The following UMPS variants were observed in gnomAD, a reference collection of about 807,000 sequenced individuals.
UMPS encodes the protein uridine monophosphate synthetase.
Under a neutral mutation model 38.9 loss-of-function variants are expected in UMPS, and 21 were observed. The observed-to-expected ratio is 0.54, with a 90% CI of 0.38 to 0.78. UMPS has a LOEUF of 0.78. Among genes scored for constraint, UMPS ranks in the 30% least tolerant of loss-of-function variants. The probability of loss-of-function intolerance (pLI) is 0.00; values close to 1 mark genes in which losing one functional copy is unlikely to be tolerated. For synonymous variants in UMPS, 208 were observed against 219.3 expected, an observed-to-expected ratio of 0.95 and a Z score of 0.45; for missense variants, 533 against 591.6, an observed-to-expected ratio of 0.90 and a Z score of 1.03.
rs1559910212 is a variant in UMPS at position 124,747,224 on chromosome 3, G to A, written c.*3140G>A. 1 of 452,858 alleles carries A rather than the reference G, an allele frequency of 2.2e-6. No homozygotes were observed. Among genetic ancestry groups the A allele is most frequent in the East Asian group, 7.0e-5 (1 of 14,330 alleles). 28.1% of individuals were successfully genotyped at this position (452,858 alleles called of 1,614,324 possible). On this transcript the variant is annotated 3_prime_UTR_variant, in exon 6 of 6. Coordinates refer to ENST00000232607, the MANE Select transcript of UMPS (RefSeq NM_000373.4). ...AATTTTTTGTAGAGACGGTGGAGGA[G>A]GTTCTCACTGTGACTCAGTGTGTGC...
In UMPS at chr3:124,745,929, C is replaced by G; in HGVS notation, c.*1845C>G. 2.2e-6 allele frequency: 1 copy of G among 454,070 alleles called. No individual in the cohort carries two copies. Among genetic ancestry groups the G allele is most frequent in the Non-Finnish European group, 4.4e-6 (1 of 226,772 alleles). The allele number at this position is 454,070 out of a possible 1,614,324, so 28.1% of individuals were successfully genotyped here. A position where few individuals can be genotyped will look rare whatever the true frequency, so the allele number is the denominator to read the frequency against. On this transcript the variant is annotated 3_prime_UTR_variant, in exon 6 of 6. Coordinates refer to ENST00000232607, the MANE Select transcript of UMPS (RefSeq NM_000373.4). Reference sequence around the variant, plus strand: ...GGAGTCTTGTCAAAACAGGTACCAGCCCCACCCGCAGCGTTTCTGACTCTG... The same window carrying G: ...GGAGTCTTGTCAAAACAGGTACCAGGCCCACCCGCAGCGTTTCTGACTCTG...
At chr3:124,735,366 T>C in intron 2 of UMPS, 120 bp downstream of exon 2, 11 of 925,596 alleles carry the variant, frequency 1.2e-5, no homozygotes, top group Non-Finnish European at 1.8e-5. Context: ...AAGTTGTTAC[T>C]GCTTGTAGAA....
Position 124,746,981 on chromosome 3 carries a change from A to G in UMPS, c.*2897A>G, listed in dbSNP as rs1321746141. The G allele has an allele frequency of 2.2e-6, 1 of 453,736 alleles. No individual in the cohort carries two copies. Among genetic ancestry groups the G allele is most frequent in the Non-Finnish European group, 4.4e-6 (1 of 226,756 alleles). 28.1% of individuals were successfully genotyped at this position (453,736 alleles called of 1,614,324 possible). On this transcript the variant is annotated 3_prime_UTR_variant, in exon 6 of 6. Coordinates refer to ENST00000232607, the MANE Select transcript of UMPS (RefSeq NM_000373.4). The stretch of plus-strand genomic sequence containing the variant: ...TGAGTCAGCTCTAAGAAAATCTGCC[A>G]AAAGTAGGCCGAGGGCTGGTTTTTT...
intron 1 of UMPS, among the ~76,000 whole-genome samples, chr3:124,732,860 T>TA (rs1203366672): frequency 1.3e-5 from 2 of 152,214 alleles, no homozygotes; most frequent in Non-Finnish European, 2.9e-5. Context: ...TGCTATGGTG[T>TA]ATCTTAGCAA....
chr3:124,740,226 G>C lies in UMPS; in HGVS notation c.1158+27G>C, dbSNP rs201505388. On this transcript the variant is annotated intron_variant, in intron 4 of 5. Coordinates refer to ENST00000232607, the MANE Select transcript of UMPS (RefSeq NM_000373.4). ...TAAGTGGTGGGGGGACTGGGTGAGA[G>C]GGGGCAGGGGCTGCTATGCTGCATG... 5.4e-3 allele frequency: 8,623 copies of C among 1,588,110 alleles called. 38 individuals are homozygous for C. Among genetic ancestry groups the C allele is most frequent in the Non-Finnish European group, 6.7e-3 (7,748 of 1,164,924 alleles).
At position 124,748,948 on chromosome 3, in the gene UMPS, G is replaced by A. The variant is rs1196682658; in HGVS notation, c.*4864G>A. 3 of 453,348 alleles carry A rather than the reference G, an allele frequency of 6.6e-6. No homozygotes were observed. The highest frequency in any genetic ancestry group is 1.6e-5 in the South Asian group (1 of 64,432). The allele number at this position is 453,348 out of a possible 1,614,324, so 28.1% of individuals were successfully genotyped here. On this transcript the variant is annotated 3_prime_UTR_variant, in exon 6 of 6. Transcript: ENST00000232607. Reference sequence around the variant, plus strand: ...TAAGGACAGTCAGTGGGAAGTGGACGGGCCGCACAACCAAGGTTCTCATGA... The same window carrying A: ...TAAGGACAGTCAGTGGGAAGTGGACAGGCCGCACAACCAAGGTTCTCATGA...
chr3:124,733,374 C>T (rs1209095778), intron 1 of UMPS: 1 of 154,614 alleles, frequency 6.5e-6, no homozygotes, highest in Non-Finnish European at 1.4e-5. Context: ...ATTTTCTTTT[C>T]CTCAAGAGAA....
Position 124,745,437 on chromosome 3 carries a change from C to T in UMPS, c.*1353C>T, listed in dbSNP as rs939503014. Reference sequence around the variant, plus strand: ...GGAGTTCAGTGGCACGATCTCGGCTCACTGCAACTTCTGCCTCTCTGGTTC... The same window carrying T: ...GGAGTTCAGTGGCACGATCTCGGCTTACTGCAACTTCTGCCTCTCTGGTTC... On this transcript the variant is annotated 3_prime_UTR_variant, in exon 6 of 6. Coordinates refer to ENST00000232607, the MANE Select transcript of UMPS (RefSeq NM_000373.4). 1 of 453,596 alleles carries T rather than the reference C, an allele frequency of 2.2e-6. No individual in the cohort carries two copies. The highest frequency in any genetic ancestry group is 2.0e-5 in the African/African-American group (1 of 49,896). 28.1% of individuals were successfully genotyped at this position (453,596 alleles called of 1,614,324 possible).
intron 1 of UMPS, among the ~76,000 whole-genome samples, chr3:124,733,207 T>C (rs1402705626): frequency 6.6e-6 from 1 of 152,202 alleles, no homozygotes; most frequent in Non-Finnish European, 1.5e-5. Context: ...ATAAAGTAAT[T>C]GGAGAGGAAA....
At chr3:124,733,968 G>T (rs184429939) in intron 1 of UMPS, among the ~76,000 whole-genome samples, 142 of 152,228 alleles carry the variant, frequency 9.3e-4, no homozygotes, top group African/African-American at 3.2e-3. Context: ...ATATGAGTTG[G>T]AAAAAGATGT....
At chr3:124,732,935 T>C (rs1425763428) in intron 1 of UMPS, among the ~76,000 whole-genome samples, 1 of 151,232 alleles carries the variant, frequency 6.6e-6, no homozygotes, top group Admixed American at 6.6e-5. Context: ...AGCTGATAAA[T>C]GACAGAAAAA....
At chr3:124,743,739 G>A (rs1476037563) in intron 5 of UMPS, among the ~76,000 whole-genome samples, 176 bp from the exon 6 acceptor site, 4 of 152,220 alleles carry the variant, frequency 2.6e-5, no homozygotes, top group African/African-American at 9.6e-5. Context: ...TGACGTCTCT[G>A]GCCTACCCAG....
chr3:124,745,347 T>G lies in UMPS; in HGVS notation c.*1263T>G, dbSNP rs2063588437. 2.2e-6 allele frequency: 1 copy of G among 451,146 alleles called. No homozygotes were observed. Among genetic ancestry groups the G allele is most frequent in the African/African-American group, 2.0e-5 (1 of 48,912 alleles). The allele number at this position is 451,146 out of a possible 1,614,324, so 27.9% of individuals were successfully genotyped here. ...CAGCTGATGGCCCACTGTTCTTTAA[T>G]GACTCAGAGGAATGCCTAGGATTTT... On this transcript the variant is annotated 3_prime_UTR_variant, in exon 6 of 6. Coordinates refer to ENST00000232607, the MANE Select transcript of UMPS (RefSeq NM_000373.4).
rs1440222704 is a variant in UMPS, at chr3:124,745,867, A to G, written c.*1783A>G. 1 of 454,088 alleles carries G rather than the reference A, an allele frequency of 2.2e-6. No homozygotes were observed. Among genetic ancestry groups the G allele is most frequent in the South Asian group, 1.6e-5 (1 of 64,474 alleles). The allele number at this position is 454,088 out of a possible 1,614,324, so 28.1% of individuals were successfully genotyped here. A position where few individuals can be genotyped will look rare whatever the true frequency, so the allele number is the denominator to read the frequency against. ...TCCCTGGCTGTCACTTCCATGTGTC[A>G]GTGGTTCTCCCACTTTAGCAGGTAT... On this transcript the variant is annotated 3_prime_UTR_variant, in exon 6 of 6. Transcript: ENST00000232607.
In UMPS at chr3:124,730,544, G is replaced by C. The variant is rs775203549; in HGVS notation, c.73G>C (p.Asp25His). ...LYDVQAFKFG[D>H]FVLKSGLSSP... is the part of the protein sequence containing the mutation. ...CGACGTGCAGGCTTTCAAGTTTGGG[G>C]ACTTCGTGCTGAAGAGCGGGCTTTC... Residue 25 changes from aspartate to histidine, a missense_variant, in exon 1 of 6, where the codon GAC becomes CAC. Physicochemically the swap from Asp to His is moderately conservative, Grantham distance 81. Transcript: ENST00000232607. 5.0e-6 allele frequency: 8 copies of C among 1,613,970 alleles called. No homozygotes were observed. Among genetic ancestry groups the C allele is most frequent in the Non-Finnish European group, 6.8e-6 (8 of 1,179,960 alleles).
At chr3:124,739,554 G>A (rs1477740283) in intron 3 of UMPS, among the ~76,000 whole-genome samples, 2 of 151,942 alleles carry the variant, frequency 1.3e-5, no homozygotes, top group African/African-American at 2.4e-5. Context: ...GGCTGGTCTC[G>A]AACTCCTAAA....
At position 124,745,172 on chromosome 3, in the gene UMPS, T is replaced by G. The variant is rs535422876; in HGVS notation, c.*1088T>G. On this transcript the variant is annotated 3_prime_UTR_variant, in exon 6 of 6. Transcript: ENST00000232607. Reference sequence around the variant, plus strand: ...AGGGGAGGTAAGCCTTCATTAATAATAAAGAGAAAGCCCACATTCAAGGTG... The same window carrying G: ...AGGGGAGGTAAGCCTTCATTAATAAGAAAGAGAAAGCCCACATTCAAGGTG... The G allele has an allele frequency of 1.9e-3, 880 of 454,086 alleles. 1 individual carries two copies. Among genetic ancestry groups the G allele is most frequent in the Non-Finnish European group, 2.9e-3 (664 of 226,776 alleles). The allele number at this position is 454,086 out of a possible 1,614,324, so 28.1% of individuals were successfully genotyped here. A position where few individuals can be genotyped will look rare whatever the true frequency, so the allele number is the denominator to read the frequency against.
At position 124,745,295 on chromosome 3, in the gene UMPS, C is replaced by A. The variant is rs11706118; in HGVS notation, c.*1211C>A. The stretch of plus-strand genomic sequence containing the variant: ...TGGGGCCCACCTGCAGGAAGTGGCA[C>A]AGGATCAGCCATTTCCCCACCCTTG... On this transcript the variant is annotated 3_prime_UTR_variant, in exon 6 of 6. Coordinates refer to ENST00000232607, the MANE Select transcript of UMPS (RefSeq NM_000373.4). 127,007 of 453,756 alleles carry A rather than the reference C, an allele frequency of 0.28. 18,762 individuals carry two copies. Among genetic ancestry groups the A allele is most frequent in the East Asian group, 0.41 (5,929 of 14,370 alleles). The allele number at this position is 453,756 out of a possible 1,614,324, so 28.1% of individuals were successfully genotyped here.
rs1265466415 is a variant in UMPS at position 124,747,577 on chromosome 3, C to T, written c.*3493C>T. On this transcript the variant is annotated 3_prime_UTR_variant, in exon 6 of 6. Transcript: ENST00000232607. ...GAGCAGAGCCTACTCCAGCCTCCCC[C>T]GTCCAATGTATGAAAGCCCCAGCTG... 12 of 452,894 alleles carry T rather than the reference C, an allele frequency of 2.6e-5. No homozygotes were observed. Among genetic ancestry groups the T allele is most frequent in the Admixed American group, 1.4e-4 (6 of 42,538 alleles). 28.1% of individuals were successfully genotyped at this position (452,894 alleles called of 1,614,324 possible).
Sources: gnomAD v4.1 joint callset for allele counts (sites outside exome capture counted in the v4.1 genomes callset) on GRCh38, gnomAD v4.1.1 for gene constraint, MANE v1.5 for transcripts, NCBI Gene and HGNC (gene_info 2026-07-23, HGNC 2026-07-21) for gene names.